The following MYCBP2 variants were observed in gnomAD, a reference collection of about 807,000 sequenced individuals.
MYCBP2 encodes the protein MYC binding protein 2, also known as E3 ubiquitin-protein ligase MYCBP2.
In MYCBP2, 120 loss-of-function variants were observed where a neutral mutation model predicts 525.3. The observed-to-expected ratio is 0.23, with a 90% CI of 0.20 to 0.27. The LOEUF (loss-of-function observed/expected upper bound fraction) is 0.27. MYCBP2 is among the 10% of genes least tolerant of loss of function. MYCBP2 has a pLI of 1.00. For synonymous variants in MYCBP2, 1,894 were observed against 1,955.8 expected, an observed-to-expected ratio of 0.97 and a Z score of 0.83; for missense variants, 4,149 against 5,657.1, an observed-to-expected ratio of 0.73 and a Z score of 8.55.
intron 55 of MYCBP2, chr13:77,099,924 A>T (rs555424604): frequency 2.0e-5 from 3 of 152,214 alleles, no homozygotes; most frequent in Non-Finnish European, 4.4e-5. Context: ...CTTTTCTTTG[A>T]GGCATTAGAG....
Position 77,055,756 on chromosome 13 carries a change from A to G in MYCBP2, c.13449T>C (p.Asn4483=), listed in dbSNP as rs201721664. 9 of 1,610,314 alleles carry G rather than the reference A, an allele frequency of 5.6e-6. No individual in the cohort carries two copies. The highest frequency in any genetic ancestry group is 7.6e-6 in the Non-Finnish European group (9 of 1,178,210). ...CAAGTAGGTCTTTTAGTACTATGTG[A>G]TTAATTTTGTTCTGCAATAAAAAAT... ...ISCPICKNKI[N]HIVLKDLLDP... Residue 4483 remains asparagine (N), a synonymous_variant, in exon 80 of 83, where the codon AAT becomes AAC. Transcript: ENST00000544440.
intron 12 of MYCBP2, 91 bp from the exon 13 acceptor site, chr13:77,260,683 T>C (rs2073118525): frequency 9.0e-7 from 1 of 1,112,940 alleles, no homozygotes; most frequent in Non-Finnish European, 1.2e-6. Context: ...AAAACCCATA[T>C]TATTTGCATT....
At chr13:77,252,849 G>A (rs964346052) in intron 14 of MYCBP2, among the ~76,000 whole-genome samples, 4 of 152,040 alleles carry the variant, frequency 2.6e-5, no homozygotes, top group Non-Finnish European at 5.9e-5. Context: ...TAGCTAAAAT[G>A]TACTGAGCAC....
intron 35 of MYCBP2, 132 bp downstream of exon 35, chr13:77,177,616 C>CT (rs1391561011): frequency 9.9e-5 from 75 of 759,590 alleles, no homozygotes; most frequent in Non-Finnish European, 1.5e-4. Context: ...GCCACTGTGG[C>CT]CAGTCTTTTT....
chr13:77,057,367 A>T (rs1025452343), intron 78 of MYCBP2, among the ~76,000 whole-genome samples: 5 of 152,228 alleles, frequency 3.3e-5, no homozygotes, highest in Non-Finnish European at 7.3e-5. Flanking sequence ...GTTAGGAAAA[A>T]AAGTAAAATT....
intron 50 of MYCBP2, among the ~76,000 whole-genome samples, chr13:77,140,435 G>C (rs970270043): frequency 6.6e-6 from 1 of 152,072 alleles, no homozygotes; most frequent in African/African-American, 2.4e-5. Flanking sequence ...TGTTAAGAAG[G>C]ATAAAAACCA....
chr13:77,292,853 G>A (rs2077629219), intron 2 of MYCBP2, among the ~76,000 whole-genome samples: 1 of 151,394 alleles, frequency 6.6e-6, no homozygotes, highest in Non-Finnish European at 1.5e-5. Context: ...AGCTACTCAG[G>A]AGGCTGAGGC....
At chr13:77,192,727 C>A (rs180769604) in intron 27 of MYCBP2, among the ~76,000 whole-genome samples, 1 of 152,156 alleles carries the variant, frequency 6.6e-6, no homozygotes, top group Non-Finnish European at 1.5e-5. Flanking sequence ...TCAATGCTCC[C>A]AATGCCTTAG....
At chr13:77,070,741 A>G in intron 68 of MYCBP2, 30 bp from the exon 69 acceptor site, 1 of 1,391,708 alleles carries the variant, frequency 7.2e-7, no homozygotes, top group Non-Finnish European at 9.9e-7. Flanking sequence ...AAAAAAAAAA[A>G]GAATGAAGTG....
chr13:77,203,790 TG>T (rs2062934566), intron 26 of MYCBP2, among the ~76,000 whole-genome samples: 1 of 151,776 alleles, frequency 6.6e-6, no homozygotes, highest in Admixed American at 6.6e-5. Context: ...AAACAAGAAA[TG>T]GGGAAAGGAT....
At chr13:77,283,280 C>T (rs1431869329) in intron 3 of MYCBP2, among the ~76,000 whole-genome samples, 1 of 152,202 alleles carries the variant, frequency 6.6e-6, no homozygotes, top group Non-Finnish European at 1.5e-5. Flanking sequence ...TTCCTGCTCT[C>T]TCTCTCTTGC....
chr13:77,075,338 TAAA>T (rs1248315246), intron 68 of MYCBP2, among the ~76,000 whole-genome samples: 1 of 152,202 alleles, frequency 6.6e-6, no homozygotes, highest in East Asian at 1.9e-4. Flanking sequence ...TAATCTAACT[TAAA>T]AAAAGATTCT....
At chr13:77,303,015 C>T (rs2078969162) in intron 1 of MYCBP2, among the ~76,000 whole-genome samples, 6 of 152,180 alleles carry the variant, frequency 3.9e-5, no homozygotes, top group Admixed American at 3.9e-4. Context: ...GAGACCAAAA[C>T]AGCACTGACA....
chr13:77,082,470 A>G (rs191244562), intron 63 of MYCBP2, among the ~76,000 whole-genome samples: 85 of 152,210 alleles, frequency 5.6e-4, no homozygotes, highest in Non-Finnish European at 7.5e-4. Context: ...CCATCAATCT[A>G]TTTCTTGTAT....
intron 52 of MYCBP2, among the ~76,000 whole-genome samples, chr13:77,135,159 C>T (rs140818937): frequency 6.6e-6 from 1 of 152,242 alleles, no homozygotes; most frequent in East Asian, 1.9e-4. Flanking sequence ...GTGCTGAAGG[C>T]AACTTTTCAG....
At chr13:77,084,387 A>G (rs1307032190) in intron 62 of MYCBP2, among the ~76,000 whole-genome samples, 1 of 152,170 alleles carries the variant, frequency 6.6e-6, no homozygotes, top group African/African-American at 2.4e-5. Flanking sequence ...TTCTTTGTGC[A>G]TATATTGATT....
intron 33 of MYCBP2, among the ~76,000 whole-genome samples, chr13:77,181,348 G>A (rs768202790): frequency 9.9e-5 from 15 of 151,770 alleles, no homozygotes; most frequent in South Asian, 2.1e-4. Flanking sequence ...TTCTATCTTA[G>A]AAATCTAAAA....
chr13:77,078,126 AACAAAC>A (rs2042640667), intron 66 of MYCBP2: 1 of 152,200 alleles, frequency 6.6e-6, no homozygotes, highest in Admixed American at 6.5e-5. Context: ...ATTAAGTATA[AACAAAC>A]ACAATCTCAT....
At chr13:77,060,042 A>T (rs778077166) in intron 76 of MYCBP2, among the ~76,000 whole-genome samples, 3 of 152,234 alleles carry the variant, frequency 2.0e-5, no homozygotes, top group Non-Finnish European at 2.9e-5. Context: ...GCATGGTATA[A>T]AGCCTATCAT....
Sources: allele counts gnomAD v4.1 joint callset (sites outside exome capture counted in the v4.1 genomes callset), GRCh38; gene constraint gnomAD v4.1.1; transcripts MANE v1.5; gene names NCBI Gene and HGNC (gene_info 2026-07-23, HGNC 2026-07-21).